The following SMARCAD1 variants were observed in gnomAD, a reference collection of about 807,000 sequenced individuals.
The protein encoded by SMARCAD1 is SNF2 related chromatin remodeling ATPase with DExD box 1, also known as SWI/SNF-related matrix-associated actin-dependent regulator of chromatin subfamily A containing DEAD/H box 1.
SMARCAD1 carries 25 observed loss-of-function variants against 127.1 expected under a neutral mutation model. The ratio of observed to expected loss-of-function variants is 0.20; its 90% CI spans 0.14 to 0.27. The LOEUF (loss-of-function observed/expected upper bound fraction) is 0.27. SMARCAD1 is among the 10% of genes least tolerant of loss of function. SMARCAD1 has a pLI of 1.00. For synonymous variants in SMARCAD1, 400 were observed against 396.9 expected, an observed-to-expected ratio of 1.01 and a Z score of -0.09; for missense variants, 807 against 1,206.0, an observed-to-expected ratio of 0.67 and a Z score of 4.90.
intron 9 of SMARCAD1, chr4:94,253,247 G>A: frequency 3.4e-6 from 5 of 1,489,312 alleles, no homozygotes; most frequent in Non-Finnish European, 4.5e-6. Context: ...TGGGAATACT[G>A]TCACTCATTC....
chr4:94,249,858 ATTC>A (rs933249240), intron 7 of SMARCAD1, 103 bp downstream of exon 7: 18 of 706,018 alleles, frequency 2.5e-5, no homozygotes, highest in African/African-American at 1.4e-4. Flanking sequence ...TGAGTTTTGT[ATTC>A]TTCTAATTAA....
At position 94,291,251 on chromosome 4, in the gene SMARCAD1, G is replaced by A. The variant is rs926102322; in HGVS notation, c.*1717G>A. 7 of 453,426 alleles carry A rather than the reference G, an allele frequency of 1.5e-5. No individual in the cohort carries two copies. Among genetic ancestry groups the A allele is most frequent in the Admixed American group, 4.7e-5 (2 of 42,472 alleles). The allele number at this position is 453,426 out of a possible 1,614,324, so 28.1% of individuals were successfully genotyped here. ...TGTAGTTGGGTTCTTCCTGTAATGCGCTATTATGTCTTGGGCTTAATAAAA... is the reference window on the plus strand; with the variant it reads ...TGTAGTTGGGTTCTTCCTGTAATGCACTATTATGTCTTGGGCTTAATAAAA... On this transcript the variant is annotated 3_prime_UTR_variant, in exon 24 of 24. Coordinates refer to ENST00000354268, the MANE Select transcript of SMARCAD1 (RefSeq NM_020159.5).
At chr4:94,218,141 G>T (rs1256508671) in intron 2 of SMARCAD1, among the ~76,000 whole-genome samples, 1 of 152,088 alleles carries the variant, frequency 6.6e-6, no homozygotes, top group Non-Finnish European at 1.5e-5. Context: ...TATTAGTATG[G>T]AGTTGGGATA....
chr4:94,260,616 G>C (rs1292293929), intron 9 of SMARCAD1, among the ~76,000 whole-genome samples: 2 of 152,156 alleles, frequency 1.3e-5, no homozygotes, highest in East Asian at 3.8e-4. Flanking sequence ...GATTACAGGC[G>C]TGAGCCACCA....
At chr4:94,256,614 C>T (rs990107575) in intron 9 of SMARCAD1, among the ~76,000 whole-genome samples, 1 of 152,114 alleles carries the variant, frequency 6.6e-6, no homozygotes, top group Non-Finnish European at 1.5e-5. Context: ...CCACCTGTTG[C>T]GGCCTCTCCA....
rs563816832 is a variant in SMARCAD1 at position 94,233,935 on chromosome 4, C to G, written c.369-19C>G. On this transcript the variant is annotated intron_variant, in intron 3 of 23. Coordinates refer to ENST00000354268, the MANE Select transcript of SMARCAD1 (RefSeq NM_020159.5). ...TAATACATTAAAAATGTTTTTTGCT[C>G]CTCTAAAAATATTTTTAGTTCTGAG... 1 of 1,612,266 alleles carries G rather than the reference C, an allele frequency of 6.2e-7. No homozygotes were observed. Among genetic ancestry groups the G allele is most frequent in the Non-Finnish European group, 8.5e-7 (1 of 1,178,814 alleles).
In SMARCAD1 at chr4:94,291,047, A is replaced by G; in HGVS notation, c.*1513A>G. On this transcript the variant is annotated 3_prime_UTR_variant, in exon 24 of 24. Transcript: ENST00000354268. ...AAAGGAGTCTTCATGTGTTAATACT[A>G]CCTCCTTGTACATCACTATACCCAA... 2.3e-6 allele frequency: 1 copy of G among 439,302 alleles called. No individual in the cohort carries two copies. The highest frequency in any genetic ancestry group is 1.6e-5 in the South Asian group (1 of 60,860). The allele number at this position is 439,302 out of a possible 1,614,324, so 27.2% of individuals were successfully genotyped here.
intron 6 of SMARCAD1, among the ~76,000 whole-genome samples, chr4:94,242,246 T>C (rs1747702907): frequency 6.6e-6 from 1 of 151,798 alleles, no homozygotes; most frequent in Non-Finnish European, 1.5e-5. Flanking sequence ...AGTTACACCA[T>C]GTTGGCCAGG....
At chr4:94,270,626 A>G (rs1752421477) in intron 10 of SMARCAD1, 102 bp from the exon 11 acceptor site, 1 of 922,876 alleles carries the variant, frequency 1.1e-6, no homozygotes, top group African/African-American at 1.6e-5. Context: ...TTAAAAGGTA[A>G]GATTAGACCT....
chr4:94,247,077 T>C (rs1476801315), intron 6 of SMARCAD1, among the ~76,000 whole-genome samples: 2 of 151,548 alleles, frequency 1.3e-5, no homozygotes, highest in Non-Finnish European at 2.9e-5. Flanking sequence ...GGGATGGTGG[T>C]GTCAATATCT....
At chr4:94,211,043 C>T (rs914976959) in intron 2 of SMARCAD1, among the ~76,000 whole-genome samples, 6 of 151,380 alleles carry the variant, frequency 4.0e-5, no homozygotes, top group African/African-American at 7.3e-5. Context: ...GAGGCTGAGG[C>T]GGGCTGATCA....
At chr4:94,236,403 A>G (rs1404317727) in intron 4 of SMARCAD1, among the ~76,000 whole-genome samples, 1 of 152,196 alleles carries the variant, frequency 6.6e-6, no homozygotes, top group Admixed American at 6.5e-5. Flanking sequence ...TCTTGAAAAG[A>G]TTCAGACAAT....
intron 6 of SMARCAD1, among the ~76,000 whole-genome samples, chr4:94,248,854 A>G (rs955559547): frequency 2.6e-5 from 4 of 152,200 alleles, no homozygotes; most frequent in Non-Finnish European, 4.4e-5. Context: ...AAAAATAGCA[A>G]TTCAGTTGTT....
chr4:94,231,120 G>A (rs1745774546), intron 3 of SMARCAD1, among the ~76,000 whole-genome samples: 1 of 152,188 alleles, frequency 6.6e-6, no homozygotes, highest in Non-Finnish European at 1.5e-5. Context: ...AAAGGATGTA[G>A]AAAATCAGTC....
intron 4 of SMARCAD1, among the ~76,000 whole-genome samples, chr4:94,234,921 T>A (rs1486949666): frequency 6.6e-6 from 1 of 152,174 alleles, no homozygotes; most frequent in Non-Finnish European, 1.5e-5. Flanking sequence ...GAGTACATAT[T>A]CTTTTTTAAA....
At chr4:94,237,683 A>G (rs1042570181) in intron 5 of SMARCAD1, among the ~76,000 whole-genome samples, 17 of 152,112 alleles carry the variant, frequency 1.1e-4, no homozygotes, top group African/African-American at 3.1e-4. Flanking sequence ...ATGTAAATAT[A>G]TTGGTTTACA....
In SMARCAD1 at chr4:94,225,264, A is replaced by C. The variant is rs180768162; in HGVS notation, c.191-855A>C. Among the ~76,000 whole-genome samples, 87 of 152,060 alleles carry C rather than the reference A, an allele frequency of 5.7e-4. 1 individual carries two copies. The East Asian group carries it at 0.016, about 29-fold the overall frequency. On this transcript the variant is annotated intron_variant, in intron 2 of 23. Coordinates refer to ENST00000354268, the MANE Select transcript of SMARCAD1 (RefSeq NM_020159.5). ...CTTTGAAGTCCAAGATCAAGTTGGC[A>C]TGTGTTTTCTTCTTGGGCCTCTTTC... is the stretch of plus-strand genomic sequence containing the variant.
intron 6 of SMARCAD1, among the ~76,000 whole-genome samples, chr4:94,241,951 C>T (rs146105981): frequency 1.3e-5 from 2 of 152,172 alleles, no homozygotes; most frequent in Non-Finnish European, 2.9e-5. Flanking sequence ...TAAAAATTTT[C>T]TCTGCCACGT....
intron 6 of SMARCAD1, among the ~76,000 whole-genome samples, chr4:94,245,488 G>T (rs1437360094): frequency 6.6e-6 from 1 of 152,214 alleles, no homozygotes; most frequent in Non-Finnish European, 1.5e-5. Flanking sequence ...AAAGGAGGAG[G>T]CTGGCAACAC....
Sources: allele counts gnomAD v4.1 joint callset (sites outside exome capture counted in the v4.1 genomes callset), GRCh38; gene constraint gnomAD v4.1.1; transcripts MANE v1.5; gene names NCBI Gene and HGNC (gene_info 2026-07-23, HGNC 2026-07-21).